Variants in PRIM2 observed in about 807,000 individuals in gnomAD.
The protein encoded by PRIM2 is DNA primase large subunit.
PRIM2 carries 39 observed loss-of-function variants against 67.3 expected under a neutral mutation model. The ratio of observed to expected loss-of-function variants is 0.58; its 90% confidence interval spans 0.45 to 0.76. PRIM2 has a LOEUF of 0.76. Among genes scored for constraint, PRIM2 ranks in the 30% least tolerant of loss-of-function variants. The pLI is 0.00. For missense variants in PRIM2, 398 were observed against 598.7 expected (o/e 0.66, Z 3.50); for synonymous variants, 143 against 198.7 (o/e 0.72, Z 2.36).
chr6:57,274,710 T>A, the PRIM2 span, among the ~76,000 whole-genome samples: 1 of 152,330 alleles, frequency 6.6e-6, no homozygotes, highest in Admixed American at 6.5e-5. Context: ...AAATCACCTA[T>A]CTTCTGCATC....
intron 7 of PRIM2, among the ~76,000 whole-genome samples, chr6:57,497,028 A>T (rs1774020009): frequency 1.3e-5 from 2 of 152,218 alleles, no homozygotes; most frequent in Non-Finnish European, 2.9e-5. Flanking sequence ...TATGGGGCTA[A>T]CTATACTAAG....
At chr6:57,481,803 G>T (rs1773635762) in intron 7 of PRIM2, among the ~76,000 whole-genome samples, 2 of 152,150 alleles carry the variant, frequency 1.3e-5, no homozygotes, top group Non-Finnish European at 2.9e-5. Flanking sequence ...TAGGTGTCTA[G>T]TAGTATCTCA....
At chr6:57,334,619 T>A (rs974522685) in intron 5 of PRIM2, among the ~76,000 whole-genome samples, 2 of 152,296 alleles carry the variant, frequency 1.3e-5, no homozygotes, top group South Asian at 2.1e-4. Context: ...GACTATGATC[T>A]GTAGCCCACC....
At chr6:57,236,287 G>A in the PRIM2 span, among the ~76,000 whole-genome samples, 61 of 151,740 alleles carry the variant, frequency 4.0e-4, no homozygotes, top group Non-Finnish European at 7.9e-4. Flanking sequence ...TAGCTCACTG[G>A]TCCATGTTCT....
intron 7 of PRIM2, among the ~76,000 whole-genome samples, chr6:57,418,392 T>TG (rs1771348836): frequency 9.7e-6 from 1 of 102,598 alleles, no homozygotes; most frequent in African/African-American, 4.4e-5. Flanking sequence ...GGTTTTTTTT[T>TG]TTTTTTTTTT....
At chr6:57,381,275 A>T (rs1298491148) in intron 6 of PRIM2, among the ~76,000 whole-genome samples, 3 of 152,212 alleles carry the variant, frequency 2.0e-5, no homozygotes, top group Non-Finnish European at 4.4e-5. Context: ...ATGCATTTAT[A>T]TTTAATTCTT....
At chr6:57,298,538 G>C in the PRIM2 span, among the ~76,000 whole-genome samples, 4 of 152,126 alleles carry the variant, frequency 2.6e-5, no homozygotes, top group East Asian at 1.9e-4. Flanking sequence ...TGGGAAGCAG[G>C]GCTCGGGGCA....
At chr6:57,635,364 T>C (rs1777101523) in intron 13 of PRIM2, among the ~76,000 whole-genome samples, 1 of 152,252 alleles carries the variant, frequency 6.6e-6, no homozygotes, top group Non-Finnish European at 1.5e-5. Flanking sequence ...TTGAGATTCA[T>C]TTAGTAGATG....
chr6:57,440,454 A>G lies in PRIM2; in HGVS notation c.693+58286A>G, dbSNP rs541843077. Among the ~76,000 whole-genome samples, 79 of 152,316 alleles carry G rather than the reference A, an allele frequency of 5.2e-4. 1 individual carries two copies. Among genetic ancestry groups the G allele is most frequent in the Non-Finnish European group, 5.1e-4 (35 of 68,032 alleles). On this transcript the variant is annotated intron_variant, in intron 7 of 13. Transcript: ENST00000615550. ...GTCTTGATTATTTGTTGAGAGCAAG[A>G]GAGACATATATTAAAAAGAATTAGA...
intron 7 of PRIM2, among the ~76,000 whole-genome samples, chr6:57,459,406 T>A (rs1428259165): frequency 2.0e-5 from 3 of 152,210 alleles, no homozygotes; most frequent in African/African-American, 7.2e-5. Flanking sequence ...AAAATGATCT[T>A]ATTAGGTGGA....
chr6:57,386,202 A>T (rs530503129), intron 7 of PRIM2, among the ~76,000 whole-genome samples: 1 of 151,810 alleles, frequency 6.6e-6, no homozygotes, highest in African/African-American at 2.4e-5. Context: ...CCTGGGCAAC[A>T]TAGTGAGAAT....
intron 13 of PRIM2, among the ~76,000 whole-genome samples, chr6:57,645,234 A>C (rs1321875622): frequency 6.6e-6 from 1 of 151,288 alleles, no homozygotes; most frequent in Non-Finnish European, 1.5e-5. Flanking sequence ...CTGGCCTACA[A>C]TGTGGTAGGC....
intron 7 of PRIM2, among the ~76,000 whole-genome samples, chr6:57,451,304 C>G (rs1418454738): frequency 6.6e-6 from 1 of 152,018 alleles, no homozygotes; most frequent in Admixed American, 6.6e-5. Context: ...CCATGCTTGG[C>G]TAATTTTTGT....
intron 5 of PRIM2, among the ~76,000 whole-genome samples, chr6:57,326,786 A>T (rs148507050): frequency 6.6e-6 from 1 of 152,140 alleles, no homozygotes; most frequent in African/African-American, 2.4e-5. Flanking sequence ...TTTAAAAAAT[A>T]ATTTTGCAGA....
At chr6:57,560,232 C>T (rs1287625319) in intron 10 of PRIM2, among the ~76,000 whole-genome samples, 2 of 151,752 alleles carry the variant, frequency 1.3e-5, no homozygotes, top group Non-Finnish European at 2.9e-5. Context: ...ATAGAAACCA[C>T]CTTCTTTGCT....
the PRIM2 span, among the ~76,000 whole-genome samples, chr6:57,259,458 C>T: frequency 6.6e-6 from 1 of 152,134 alleles, no homozygotes; most frequent in Non-Finnish European, 1.5e-5. Context: ...TCCTGTTCGT[C>T]AAGGCAAGTT....
At chr6:57,615,880 A>C (rs1776747934) in intron 12 of PRIM2, among the ~76,000 whole-genome samples, 2 of 152,058 alleles carry the variant, frequency 1.3e-5, no homozygotes, top group South Asian at 4.1e-4. Context: ...ATACAGCAAG[A>C]CTCCATCTCT....
intron 10 of PRIM2, among the ~76,000 whole-genome samples, chr6:57,577,313 G>A (rs1463361947): frequency 2.6e-5 from 4 of 152,002 alleles, no homozygotes; most frequent in Non-Finnish European, 5.9e-5. Flanking sequence ...TTAATATTTC[G>A]AAGTCTCAAT....
At chr6:57,503,088 T>G (rs1774172899) in intron 7 of PRIM2, among the ~76,000 whole-genome samples, 1 of 152,196 alleles carries the variant, frequency 6.6e-6, no homozygotes, top group African/African-American at 2.4e-5. Flanking sequence ...TGGGTAAACC[T>G]TACATTCACT....
Sources: allele counts gnomAD v4.1 joint callset (sites outside exome capture counted in the v4.1 genomes callset), GRCh38; gene constraint gnomAD v4.1.1; transcripts MANE v1.5; gene names NCBI Gene and HGNC (gene_info 2026-07-23, HGNC 2026-07-21).